Variants in CABP4 observed in about 807,000 individuals in gnomAD.
The protein encoded by CABP4 is calcium binding protein 4.
A neutral mutation model predicts 30.7 loss-of-function variants in CABP4; 30 were observed. The observed-to-expected ratio is 0.98, with a 90% CI of 0.73 to 1.33. The LOEUF (loss-of-function observed/expected upper bound fraction) is 1.33. Among genes scored for constraint, CABP4 ranks in the 40% most tolerant of loss-of-function variants. CABP4 has a pLI of 0.00. For synonymous variants in CABP4, 161 were observed against 159.2 expected (o/e 1.01, Z -0.08); for missense variants, 424 against 395.5 (o/e 1.07, Z -0.61).
rs1864927740 is a variant in CABP4, at chr11:67,458,902, G to A, written c.*243G>A. ...GCTCTCAGCTGCCCACCGTTCCTCA[G>A]TGTGAGCAAGATTTGGGTCTCTCCA... On this transcript the variant is annotated 3_prime_UTR_variant, in exon 6 of 6. Transcript: ENST00000325656. 3.4e-6 allele frequency: 2 copies of A among 596,950 alleles called. No homozygotes were observed. The highest frequency in any genetic ancestry group is 5.2e-5 in the Admixed American group (2 of 38,206). 37.0% of individuals were successfully genotyped at this position (596,950 alleles called of 1,614,324 possible). A position where few individuals can be genotyped will look rare whatever the true frequency, so the allele number is the denominator to read the frequency against.
chr11:67,456,293 C>T lies in CABP4; in HGVS notation c.398-6C>T. 1 of 1,613,780 alleles carries T rather than the reference C, an allele frequency of 6.2e-7. No homozygotes were observed. Among genetic ancestry groups the T allele is most frequent in the Non-Finnish European group, 8.5e-7 (1 of 1,179,988 alleles). On this transcript the variant is annotated splice_region_variant and splice_polypyrimidine_tract_variant and intron_variant, in intron 2 of 5. Coordinates refer to ENST00000325656, the MANE Select transcript of CABP4 (RefSeq NM_145200.5). ...GCCACCTGGGCTTGACCTCCCTCCT[C>T]CACAGAGCTTCAGGCCGCCTTCGAG...
intron 3 of CABP4, among the ~76,000 whole-genome samples, chr11:67,457,250 C>A (rs1449125806): frequency 6.6e-6 from 1 of 152,132 alleles, no homozygotes; most frequent in Non-Finnish European, 1.5e-5. Flanking sequence ...TCACCCTGCT[C>A]CTAGGATGAG....
At chr11:67,454,205 C>G (rs1325528610), upstream of CABP4, among the ~76,000 whole-genome samples, 2 of 152,162 alleles carry the variant, frequency 1.3e-5, no homozygotes, top group Non-Finnish European at 2.9e-5. Flanking sequence ...ATCCAAGAGG[C>G]CTGCAGCCCC....
In CABP4 at chr11:67,455,719, A is replaced by G. The variant is rs1204864137; in HGVS notation, c.296A>G (p.His99Arg). The G allele has an allele frequency of 4.4e-6, 7 of 1,608,016 alleles. No individual in the cohort carries two copies. Among genetic ancestry groups the G allele is most frequent in the Non-Finnish European group, 5.1e-6 (6 of 1,178,346 alleles). ...GCCTCTTCTCGCCAGTCCCACCGAC[A>G]TCGTCCTGACTCCCTGCACGACGCT... Reference protein sequence around the residue: ...GPASSRQSHRHRPDSLHDAAQ... With the variant: ...GPASSRQSHRRRPDSLHDAAQ... Residue 99 changes from histidine to arginine, a missense_variant, in exon 1 of 6, where the codon CAT becomes CGT. Physicochemically the swap from His to Arg is conservative, Grantham distance 29 (BLOSUM62 0). Coordinates refer to ENST00000325656, the MANE Select transcript of CABP4 (RefSeq NM_145200.5).
At chr11:67,458,308 G>A in intron 4 of CABP4, 63 bp from the exon 5 acceptor site, 2 of 1,316,218 alleles carry the variant, frequency 1.5e-6, no homozygotes, top group South Asian at 1.9e-5. Context: ...AAATAAAAGA[G>A]TGGAGCTGGC....
upstream of CABP4, among the ~76,000 whole-genome samples, chr11:67,454,574 C>A (rs1384232567): frequency 3.3e-5 from 5 of 152,224 alleles, no homozygotes; most frequent in Non-Finnish European, 7.4e-5. Context: ...CCGGCCCTCA[C>A]TGGGGCCTGC....
Position 67,458,510 on chromosome 11 carries a change from A to G in CABP4, c.791A>G (p.Asp264Gly), listed in dbSNP as rs1351156763. 6.2e-7 allele frequency: 1 copy of G among 1,614,036 alleles called. No homozygotes were observed. Among genetic ancestry groups the G allele is most frequent in the Non-Finnish European group, 8.5e-7 (1 of 1,180,006 alleles). The change falls in exon 5 of 6, where the codon GAC (aspartate) becomes GGC (glycine). Residue 264 changes from aspartate to glycine, a missense_variant. Transcript: ENST00000325656. ...GACCTCAATGGGGATGGCACCGTAG[A>G]CTTTGACGGTGAGTCTCCTTCCCGG... ...EVDLNGDGTVDFDEFVMMLSR... is the reference protein window; with the variant it reads ...EVDLNGDGTVGFDEFVMMLSR...
upstream of CABP4, chr11:67,453,007 C>A (rs1864619774): frequency 2.6e-5 from 6 of 230,420 alleles, no homozygotes; most frequent in Non-Finnish European, 3.9e-5. Flanking sequence ...CCAGACTTTT[C>A]TTTTCTTTTC....
chr11:67,452,486 A>T (rs775504944), upstream of CABP4: 1 of 1,611,646 alleles, frequency 6.2e-7, no homozygotes, highest in Non-Finnish European at 8.5e-7. Flanking sequence ...TGCTGCCAGG[A>T]ACAAGAAGTC....
In CABP4 at chr11:67,458,521, G is replaced by A; in HGVS notation, c.799+3G>A. ...GGATGGCACCGTAGACTTTGACGGT[G>A]AGTCTCCTTCCCGGAAAACCCTCCC... On this transcript the variant is annotated splice_donor_region_variant and intron_variant, in intron 5 of 5. Transcript: ENST00000325656. 1 of 1,614,084 alleles carries A rather than the reference G, an allele frequency of 6.2e-7. No individual in the cohort carries two copies. Among genetic ancestry groups the A allele is most frequent in the Non-Finnish European group, 8.5e-7 (1 of 1,180,008 alleles).
At chr11:67,453,198 G>A (rs11227796), upstream of CABP4, 18,207 of 155,682 alleles carry the variant, frequency 0.12, 3,600 homozygotes, top group African/African-American at 0.41. Context: ...AGGTCTCACT[G>A]TGTTGCCCAG....
upstream of CABP4, chr11:67,453,607 G>C (rs1864648067): frequency 7.1e-6 from 1 of 140,608 alleles, no homozygotes; most frequent in Admixed American, 7.7e-5. Context: ...GTTGTGGTGA[G>C]CCAAGATCGT....
chr11:67,455,740 A>ACGCTGCTCAGAGGACATACGGGC lies in CABP4; in HGVS notation c.319_341dup (p.Asn117ArgfsTer23). 1 of 1,601,682 alleles carries ACGCTGCTCAGAGGACATACGGGC rather than the reference A, an allele frequency of 6.2e-7. No individual in the cohort carries two copies. Among genetic ancestry groups the ACGCTGCTCAGAGGACATACGGGC allele is most frequent in the South Asian group, 1.1e-5 (1 of 89,110 alleles). ...CGACATCGTCCTGACTCCCTGCACG[A>ACGCTGCTCAGAGGACATACGGGC]CGCTGCTCAGAGGACATACGGGCCC... On this transcript the variant is annotated frameshift_variant, in exon 1 of 6. Coordinates refer to ENST00000325656, the MANE Select transcript of CABP4 (RefSeq NM_145200.5). LOFTEE classifies it high-confidence loss of function.
At chr11:67,455,163 C>A (rs1426329026), upstream of CABP4, among the ~76,000 whole-genome samples, 2 of 152,212 alleles carry the variant, frequency 1.3e-5, no homozygotes, top group East Asian at 3.9e-4. Context: ...ATCTGAGGCT[C>A]ATGGCAGCCA....
At chr11:67,456,479 T>C (rs1446084926) in intron 3 of CABP4, 37 bp downstream of exon 3, 1 of 1,602,506 alleles carries the variant, frequency 6.2e-7, no homozygotes, top group Non-Finnish European at 8.5e-7. Context: ...GCAGCCTGCG[T>C]AGTTCAGGGG....
chr11:67,458,651 C>T lies in CABP4; in HGVS notation c.820C>T (p.Arg274Cys), dbSNP rs202142799. 1.9e-5 allele frequency: 30 copies of T among 1,613,934 alleles called. No homozygotes were observed. The highest frequency in any genetic ancestry group is 2.7e-5 in the African/African-American group (2 of 74,912). Residue 274 changes from arginine to cysteine, a missense_variant, in exon 6 of 6, where the codon CGC becomes TGC. Transcript: ENST00000325656. ...DFDEFVMMLS[R>C]H ...CGCAGAGTTTGTGATGATGCTCTCC[C>T]GCCACTGAGGCTCCAGGAGGGAATA...
rs373857371 is a variant in CABP4 at position 67,459,944 on chromosome 11, G to C, written c.*1285G>C. ...AGCCTGAGCAACAGATCGAGACTCC[G>C]TCTCAAAAACAAAACAAAAAAACCA... is the stretch of plus-strand genomic sequence containing the variant. On this transcript the variant is annotated 3_prime_UTR_variant, in exon 6 of 6. Coordinates refer to ENST00000325656, the MANE Select transcript of CABP4 (RefSeq NM_145200.5). 2 of 152,112 alleles carry C rather than the reference G, an allele frequency of 1.3e-5. No homozygotes were observed. The highest frequency in any genetic ancestry group is 3.9e-4 in the East Asian group (2 of 5,188). The allele number at this position is 152,112 out of a possible 1,614,324, so 9.4% of individuals were successfully genotyped here.
intron 3 of CABP4, 119 bp from the exon 4 acceptor site, chr11:67,457,454 A>C: frequency 3.7e-6 from 3 of 820,594 alleles, no homozygotes; most frequent in Non-Finnish European, 6.2e-6. Context: ...AGGCGTGGAC[A>C]CGGGTGTTTC....
upstream of CABP4, among the ~76,000 whole-genome samples, chr11:67,454,845 C>G (rs1004538195): frequency 6.6e-6 from 1 of 152,212 alleles, no homozygotes; most frequent in South Asian, 2.1e-4. Flanking sequence ...AAACGGCATT[C>G]GAGGCATCTG....
Sources: gnomAD v4.1 joint callset for allele counts (sites outside exome capture counted in the v4.1 genomes callset) on GRCh38, gnomAD v4.1.1 for gene constraint, MANE v1.5 for transcripts, NCBI Gene and HGNC (gene_info 2026-07-23, HGNC 2026-07-21) for gene names.